The following CPNE5 variants were observed in gnomAD, a reference collection of about 807,000 sequenced individuals.
CPNE5 encodes the protein copine-5.
CPNE5 carries 42 observed loss-of-function variants against 81.1 expected under a neutral mutation model. The observed-to-expected ratio is 0.52, with a 90% CI of 0.40 to 0.67. CPNE5 has a LOEUF of 0.67. Among genes scored for constraint, CPNE5 ranks in the 30% least tolerant of loss-of-function variants. The pLI is 0.00. For synonymous variants in CPNE5, 313 were observed against 321.5 expected (o/e 0.97, Z 0.28); for missense variants, 612 against 815.5 (o/e 0.75, Z 3.04).
At chr6:36,757,758 C>T (rs1765624716) in intron 12 of CPNE5, among the ~76,000 whole-genome samples, 2 of 152,142 alleles carry the variant, frequency 1.3e-5, no homozygotes, top group South Asian at 4.1e-4. Context: ...TCAGCAAAGC[C>T]TCTCTGGAGC....
chr6:36,798,790 A>T (rs1260059711), intron 4 of CPNE5, among the ~76,000 whole-genome samples: 1 of 152,142 alleles, frequency 6.6e-6, no homozygotes, highest in Non-Finnish European at 1.5e-5. Context: ...TAAAAATGGA[A>T]AAAACTAAAT....
At chr6:36,788,020 A>T (rs183173277) in intron 8 of CPNE5, among the ~76,000 whole-genome samples, 235 of 149,998 alleles carry the variant, frequency 1.6e-3, no homozygotes, top group African/African-American at 5.0e-3. Flanking sequence ...TATTGACAAC[A>T]ACCCCTACCT....
intron 8 of CPNE5, among the ~76,000 whole-genome samples, chr6:36,782,771 G>A (rs1346497024): frequency 2.0e-5 from 3 of 151,356 alleles, no homozygotes; most frequent in Non-Finnish European, 4.4e-5. Flanking sequence ...TCCAGCCTGG[G>A]CAACAAGAGC....
intron 8 of CPNE5, among the ~76,000 whole-genome samples, chr6:36,789,204 G>A (rs945291256): frequency 3.3e-5 from 5 of 152,206 alleles, no homozygotes; most frequent in East Asian, 1.9e-4. Context: ...AAGGGAGGGC[G>A]CTCCCTGCCC....
intron 3 of CPNE5, among the ~76,000 whole-genome samples, chr6:36,804,999 C>T (rs971622664): frequency 1.3e-5 from 2 of 149,328 alleles, no homozygotes; most frequent in African/African-American, 2.6e-5. Flanking sequence ...ATTACTTGGA[C>T]GAATAACAAA....
intron 3 of CPNE5, among the ~76,000 whole-genome samples, chr6:36,813,456 G>A (rs1005680723): frequency 6.6e-6 from 1 of 152,156 alleles, no homozygotes; most frequent in East Asian, 1.9e-4. Flanking sequence ...ACTTGAACCC[G>A]GGAGGCAGAG....
intron 8 of CPNE5, among the ~76,000 whole-genome samples, chr6:36,782,164 C>G (rs1485667700): frequency 6.6e-6 from 1 of 152,160 alleles, no homozygotes; most frequent in African/African-American, 2.4e-5. Context: ...CCCAGCCTTC[C>G]CAGCCCTGGC....
Position 36,839,431 on chromosome 6 carries a change from C to A in CPNE5, c.-54G>T. 7.0e-7 allele frequency: 1 copy of A among 1,435,564 alleles called. No homozygotes were observed. The allele number at this position is 1,435,564 out of a possible 1,614,324, so 88.9% of individuals were successfully genotyped here. The stretch of plus-strand genomic sequence containing the variant: ...GTCAATCCCTGCGCGATTCACGCCT[C>A]CTCCGGAGCGACTGGAGCCCTGGGC... On this transcript the variant is annotated 5_prime_UTR_variant, in exon 1 of 21. Transcript: ENST00000244751. The surrounding 1 kb of genome is among the most constrained non-coding windows in gnomAD (Gnocchi z 7.3).
rs369514274 is a variant in CPNE5, at chr6:36,780,631, C to T, written c.529-1674G>A. Among the ~76,000 whole-genome samples, 217 of 152,250 alleles carry T rather than the reference C, an allele frequency of 1.4e-3. 1 individual carries two copies. Among genetic ancestry groups the T allele is most frequent in the African/African-American group, 5.0e-3 (209 of 41,556 alleles). On this transcript the variant is annotated intron_variant, in intron 8 of 20. Coordinates refer to ENST00000244751, the MANE Select transcript of CPNE5 (RefSeq NM_020939.2). ...GTTATTATTTGAACACCTGTTTCCCCGCCCAGCCACAGTGTGTGTGACCTC... is the reference window on the plus strand; with the variant it reads ...GTTATTATTTGAACACCTGTTTCCCTGCCCAGCCACAGTGTGTGTGACCTC...
chr6:36,756,976 C>T lies in CPNE5; in HGVS notation c.856-678G>A, dbSNP rs538581824. 3.9e-5 allele frequency among the ~76,000 whole-genome samples: 6 copies of T among 152,294 alleles called. No homozygotes were observed. The South Asian group carries it at 1.0e-3, about 26-fold the overall frequency. On this transcript the variant is annotated intron_variant, in intron 12 of 20. Coordinates refer to ENST00000244751, the MANE Select transcript of CPNE5 (RefSeq NM_020939.2). ...AGGAACGTTTGGTAACATCTGGAGACGGTTTTGGTTTCCACAACTGAGGGG... is the reference window on the plus strand; with the variant it reads ...AGGAACGTTTGGTAACATCTGGAGATGGTTTTGGTTTCCACAACTGAGGGG...
At chr6:36,752,369 G>C (rs951202049) in intron 14 of CPNE5, among the ~76,000 whole-genome samples, 5 of 151,996 alleles carry the variant, frequency 3.3e-5, no homozygotes, top group Admixed American at 3.3e-4. Flanking sequence ...CATCTGTCTG[G>C]GCCTAGACAC....
chr6:36,758,400 C>T (rs569828299), intron 12 of CPNE5, among the ~76,000 whole-genome samples: 2 of 149,898 alleles, frequency 1.3e-5, no homozygotes, highest in South Asian at 4.2e-4. Flanking sequence ...CAGGTAGCTG[C>T]CACCATGTCT....
At chr6:36,749,238 A>T (rs1397561271) in intron 14 of CPNE5, among the ~76,000 whole-genome samples, 1 of 152,094 alleles carries the variant, frequency 6.6e-6, no homozygotes, top group Non-Finnish European at 1.5e-5. Context: ...ATCTGGCTGA[A>T]TATTAGATTC....
chr6:36,742,251 GC>G lies in CPNE5; in HGVS notation c.*16del. 6.5e-7 allele frequency: 1 copy of G among 1,541,220 alleles called. No homozygotes were observed. Among genetic ancestry groups the G allele is most frequent in the Non-Finnish European group, 8.8e-7 (1 of 1,139,166 alleles). ...GGCCTCTCCCAGGCCCCAGCCACCT[GC>G]CTGCTGAGACCAGGTTCAGATGTGC... On this transcript the variant is annotated 3_prime_UTR_variant, in exon 21 of 21. Coordinates refer to ENST00000244751, the MANE Select transcript of CPNE5 (RefSeq NM_020939.2).
intron 19 of CPNE5, 41 bp downstream of exon 19, chr6:36,744,227 G>T (rs1162433765): frequency 6.6e-7 from 1 of 1,522,170 alleles, no homozygotes; most frequent in Non-Finnish European, 9.0e-7. Flanking sequence ...GGGTTGCGTG[G>T]CTAGGGAAGG....
At chr6:36,814,207 A>G (rs1050493617) in intron 3 of CPNE5, among the ~76,000 whole-genome samples, 1 of 152,182 alleles carries the variant, frequency 6.6e-6, no homozygotes, top group Non-Finnish European at 1.5e-5. Context: ...ACTGAAGTCA[A>G]TCTGGGAAAA....
Position 36,742,258 on chromosome 6 carries a change from G to A in CPNE5, c.*10C>T. 1 of 1,554,812 alleles carries A rather than the reference G, an allele frequency of 6.4e-7. No homozygotes were observed. Among genetic ancestry groups the A allele is most frequent in the Non-Finnish European group, 8.7e-7 (1 of 1,148,004 alleles). On this transcript the variant is annotated 3_prime_UTR_variant, in exon 21 of 21. Transcript: ENST00000244751. ...CCCAGGCCCCAGCCACCTGCCTGCT[G>A]AGACCAGGTTCAGATGTGCGTGTGC...
In CPNE5 at chr6:36,742,198, G is replaced by A. The variant is rs1044495707; in HGVS notation, c.*70C>T. 17 of 1,298,478 alleles carry A rather than the reference G, an allele frequency of 1.3e-5. No homozygotes were observed. The African/African-American group carries it at 1.9e-4, about 14-fold the overall frequency. 80.4% of individuals were successfully genotyped at this position (1,298,478 alleles called of 1,614,324 possible). ...AGGCCGGGCAGGCCAACTTCGGGGA[G>A]TCTGGGGCCCTGGCCTCCCATTCAC... On this transcript the variant is annotated 3_prime_UTR_variant, in exon 21 of 21. Transcript: ENST00000244751.
At chr6:36,805,376 C>T (rs1190766286) in intron 3 of CPNE5, among the ~76,000 whole-genome samples, 2 of 152,244 alleles carry the variant, frequency 1.3e-5, no homozygotes, top group African/African-American at 2.4e-5. Flanking sequence ...TGCTTCCAAG[C>T]CTTTCTGAGC....
Sources: allele counts gnomAD v4.1 joint callset (sites outside exome capture counted in the v4.1 genomes callset), GRCh38; gene constraint gnomAD v4.1.1; non-coding constraint Gnocchi (gnomAD v3.1); transcripts MANE v1.5; gene names NCBI Gene and HGNC (gene_info 2026-07-23, HGNC 2026-07-21).